Variants in HTR3B observed in about 807,000 individuals in gnomAD.
The protein encoded by HTR3B is 5-hydroxytryptamine receptor 3B, also known as 5-hydroxytryptamine (serotonin) receptor 3B, ionotropic.
In HTR3B, 44 loss-of-function variants were observed where a neutral mutation model predicts 42.8. The ratio of observed to expected loss-of-function variants is 1.03; its 90% CI spans 0.81 to 1.32. The LOEUF (loss-of-function observed/expected upper bound fraction) is 1.32. Among genes scored for constraint, HTR3B ranks in the 40% most tolerant of loss-of-function variants. The probability of loss-of-function intolerance (pLI) is 0.00; values close to 1 mark genes in which losing one functional copy is unlikely to be tolerated. For synonymous variants in HTR3B, 203 were observed against 209.0 expected, an observed-to-expected ratio of 0.97 and a Z score of 0.25; for missense variants, 527 against 536.5, an observed-to-expected ratio of 0.98 and a Z score of 0.17.
At chr11:113,922,115 T>C (rs780109344) in intron 2 of HTR3B, among the ~76,000 whole-genome samples, 1 of 152,212 alleles carries the variant, frequency 6.6e-6, no homozygotes. Flanking sequence ...AATATTGTAG[T>C]CCTTCAAATC....
chr11:113,933,672 C>G (rs953269392), intron 6 of HTR3B, among the ~76,000 whole-genome samples: 1 of 152,110 alleles, frequency 6.6e-6, no homozygotes, highest in African/African-American at 2.4e-5. Context: ...TCCGATGCAG[C>G]CCTTGGCTGC....
intron 1 of HTR3B, 155 bp from the exon 2 acceptor site, chr11:113,909,140 C>G: frequency 1.5e-6 from 1 of 649,274 alleles, no homozygotes; most frequent in Admixed American, 2.8e-5. Context: ...AAGCATTTGC[C>G]AAAGGCCCCA....
At chr11:113,944,231 G>A (rs1213148115) in intron 7 of HTR3B, among the ~76,000 whole-genome samples, 1 of 152,072 alleles carries the variant, frequency 6.6e-6, no homozygotes, top group East Asian at 1.9e-4. Flanking sequence ...TGTTGGCCAG[G>A]ATGGTCTCGA....
chr11:113,939,172 T>C (rs1259403641), intron 6 of HTR3B, among the ~76,000 whole-genome samples: 1 of 152,292 alleles, frequency 6.6e-6, no homozygotes, highest in African/African-American at 2.4e-5. Context: ...TTGGAAGGCC[T>C]ATCTAGTTTT....
intron 2 of HTR3B, among the ~76,000 whole-genome samples, chr11:113,918,145 T>C (rs1426899773): frequency 6.6e-6 from 1 of 152,090 alleles, no homozygotes; most frequent in Non-Finnish European, 1.5e-5. Context: ...CTGTGTACAC[T>C]TCACTCAATC....
chr11:113,924,809 T>C (rs2137510247), intron 2 of HTR3B, among the ~76,000 whole-genome samples: 1 of 152,190 alleles, frequency 6.6e-6, no homozygotes, highest in South Asian at 2.1e-4. Context: ...TCACTTTTTA[T>C]ACTACTTTAA....
chr11:113,932,440 A>C lies in HTR3B; in HGVS notation c.520A>C (p.Lys174Gln). ...TGTCCAGAATTGCAGCCTGACCTTC[A>C]AGAGCATTCTGCATACAGGTAAACC... ...FDVQNCSLTFKSILHTVEDVD... is the reference protein window; with the variant it reads ...FDVQNCSLTFQSILHTVEDVD... Residue 174 changes from lysine (K) to glutamine (Q), a missense_variant, in exon 5 of 9, where the codon AAG becomes CAG. Transcript: ENST00000260191. The C allele has an allele frequency of 6.2e-7, 1 of 1,614,036 alleles. No individual in the cohort carries two copies. The highest frequency in any genetic ancestry group is 8.5e-7 in the Non-Finnish European group (1 of 1,179,954).
rs933204990 is a variant in HTR3B at position 113,946,184 on chromosome 11, G to A, written c.*47G>A. On this transcript the variant is annotated 3_prime_UTR_variant, in exon 9 of 9. Transcript: ENST00000260191. The stretch of plus-strand genomic sequence containing the variant: ...ATTGTGCTGGCACTTAGGAGAGAGA[G>A]GAGGGGGAATAATAGTGGGTTAAAA... The A allele has an allele frequency of 3.4e-6, 5 of 1,454,584 alleles. No homozygotes were observed. The Admixed American group carries it at 6.7e-5, about 20-fold the overall frequency. The allele number at this position is 1,454,584 out of a possible 1,614,324, so 90.1% of individuals were successfully genotyped here. A position where few individuals can be genotyped will look rare whatever the true frequency, so the allele number is the denominator to read the frequency against.
intron 2 of HTR3B, among the ~76,000 whole-genome samples, chr11:113,910,134 C>T (rs1482625752): frequency 1.3e-5 from 2 of 151,796 alleles, no homozygotes; most frequent in African/African-American, 4.8e-5. Context: ...AGATTCACTA[C>T]TTATTGCTTG....
At chr11:113,907,015 C>G (rs77119624) in intron 1 of HTR3B, among the ~76,000 whole-genome samples, 1,921 of 152,278 alleles carry the variant, frequency 0.013, 34 homozygotes, top group African/African-American at 0.044. Flanking sequence ...AAGAATAGTG[C>G]TTTCCATCAA....
rs368020372 is a variant in HTR3B at position 113,948,208 on chromosome 11, G to C, written c.*2071G>C. On this transcript the variant is annotated 3_prime_UTR_variant, in exon 9 of 9. Coordinates refer to ENST00000260191, the MANE Select transcript of HTR3B (RefSeq NM_006028.5). Reference sequence around the variant, plus strand: ...TTCTACTGCTGGCCTCCTCTGCTTTGACGTGCTCAGTTAGGCATCACGGTC... The same window carrying C: ...TTCTACTGCTGGCCTCCTCTGCTTTCACGTGCTCAGTTAGGCATCACGGTC... Among the ~76,000 whole-genome samples, 7 of 152,142 alleles carry C rather than the reference G, an allele frequency of 4.6e-5. No homozygotes were observed. The East Asian group carries it at 7.7e-4, about 17-fold the overall frequency.
intron 2 of HTR3B, among the ~76,000 whole-genome samples, chr11:113,917,595 CTT>C (rs1181862954): frequency 6.6e-6 from 1 of 151,950 alleles, no homozygotes; most frequent in African/African-American, 2.4e-5. Flanking sequence ...CACATTTAGA[CTT>C]ATATTTTTCT....
At chr11:113,931,921 G>A in intron 4 of HTR3B, 54 bp downstream of exon 4, 1 of 987,444 alleles carries the variant, frequency 1.0e-6, no homozygotes, top group African/African-American at 1.6e-5. Context: ...GTATAGTCGG[G>A]CCAGTTGCTG....
At chr11:113,912,703 A>G (rs1949809278) in intron 2 of HTR3B, among the ~76,000 whole-genome samples, 1 of 152,178 alleles carries the variant, frequency 6.6e-6, no homozygotes, top group Admixed American at 6.6e-5. Flanking sequence ...CCCTGCCAAC[A>G]TTTGGTGTTA....
chr11:113,928,102 C>A (rs1949994872), intron 2 of HTR3B, among the ~76,000 whole-genome samples: 1 of 152,110 alleles, frequency 6.6e-6, no homozygotes, highest in Non-Finnish European at 1.5e-5. Context: ...TCTCATTGTT[C>A]AGCTCCCACT....
intron 2 of HTR3B, among the ~76,000 whole-genome samples, chr11:113,926,474 TTTCC>T (rs1949974493): frequency 1.3e-5 from 1 of 74,552 alleles, no homozygotes; most frequent in Non-Finnish European, 3.1e-5. Context: ...TTTCTTTTCC[TTTCC>T]TTTCCTTTCC....
chr11:113,944,700 C>G lies in HTR3B; in HGVS notation c.1035C>G (p.Asp345Glu), dbSNP rs1371331840. 6.2e-7 allele frequency: 1 copy of G among 1,614,016 alleles called. No individual in the cohort carries two copies. Among genetic ancestry groups the G allele is most frequent in the African/African-American group, 1.3e-5 (1 of 74,912 alleles). The change falls in exon 8 of 9, where the codon GAC (aspartate) becomes GAG (glutamate). Residue 345 changes from aspartate to glutamate, a missense_variant. Physicochemically the swap from Asp to Glu is conservative, Grantham distance 45. Coordinates refer to ENST00000260191, the MANE Select transcript of HTR3B (RefSeq NM_006028.5). ...AGCCCTTCTTGTGCCTTCGAGGGGA[C>G]ACCGATGCTGACAGGCCTAGAGTGG... ...QEQPFLCLRG[D>E]TDADRPRVEP... is the part of the protein sequence containing the mutation.
At chr11:113,907,944 A>G (rs760459056) in intron 1 of HTR3B, among the ~76,000 whole-genome samples, 4 of 152,212 alleles carry the variant, frequency 2.6e-5, no homozygotes, top group Non-Finnish European at 5.9e-5. Context: ...GTTCTCAGGT[A>G]GAGAGATTCA....
At chr11:113,923,512 C>T (rs1487966942) in intron 2 of HTR3B, among the ~76,000 whole-genome samples, 2 of 152,100 alleles carry the variant, frequency 1.3e-5, no homozygotes, top group Non-Finnish European at 2.9e-5. Flanking sequence ...CTAGAGCCTC[C>T]CAGCCAGACG....
Sources: allele counts gnomAD v4.1 joint callset (sites outside exome capture counted in the v4.1 genomes callset), GRCh38; gene constraint gnomAD v4.1.1; transcripts MANE v1.5; gene names NCBI Gene and HGNC (gene_info 2026-07-23, HGNC 2026-07-21).